ZDHHC3: variants seen among roughly 807,000 people sequenced by gnomAD.
ZDHHC3 encodes palmitoyltransferase ZDHHC3.
Under a neutral mutation model 30.6 loss-of-function variants are expected in ZDHHC3, and 9 were observed. The observed-to-expected ratio is 0.29, with a 90% CI of 0.18 to 0.51. ZDHHC3 has a LOEUF of 0.51. Among genes scored for constraint, ZDHHC3 ranks in the 20% least tolerant of loss-of-function variants. The pLI is 0.97. For missense variants in ZDHHC3, 246 were observed against 384.2 expected (o/e 0.64, Z 3.01); for synonymous variants, 136 against 140.2 (o/e 0.97, Z 0.21).
At chr3:44,943,978 T>G (rs1264251311) in intron 3 of ZDHHC3, among the ~76,000 whole-genome samples, 1 of 152,024 alleles carries the variant, frequency 6.6e-6, no homozygotes, top group Non-Finnish European at 1.5e-5. Flanking sequence ...TCAAAATAAA[T>G]AAATAAAATT....
chr3:44,946,060 AAC>A (rs1168612075), intron 2 of ZDHHC3, among the ~76,000 whole-genome samples: 2 of 152,226 alleles, frequency 1.3e-5, no homozygotes, highest in Non-Finnish European at 2.9e-5. Context: ...CAACATGTCT[AAC>A]AGTTTCCCCA....
intron 1 of ZDHHC3, among the ~76,000 whole-genome samples, chr3:44,962,930 C>A (rs1170340588): frequency 6.6e-6 from 1 of 152,172 alleles, no homozygotes; most frequent in Non-Finnish European, 1.5e-5. Context: ...GGGTAATAGG[C>A]CTTCAGGGAA....
chr3:44,922,985 T>G lies in ZDHHC3; in HGVS notation c.*3704A>C. 1 of 985,368 alleles carries G rather than the reference T, an allele frequency of 1.0e-6. No homozygotes were observed. Among genetic ancestry groups the G allele is most frequent in the Non-Finnish European group, 1.2e-6 (1 of 829,912 alleles). 61.0% of individuals were successfully genotyped at this position (985,368 alleles called of 1,614,324 possible). A position where few individuals can be genotyped will look rare whatever the true frequency, so the allele number is the denominator to read the frequency against. On this transcript the variant is annotated 3_prime_UTR_variant, in exon 7 of 7. Transcript: ENST00000424952. ...CTGCAAGTCTTGAAAAGAGAGAAATTTAAAACCCATTAGCCTGGCTGAGAA... is the reference window on the plus strand; with the variant it reads ...CTGCAAGTCTTGAAAAGAGAGAAATGTAAAACCCATTAGCCTGGCTGAGAA...
intron 5 of ZDHHC3, 187 bp downstream of exon 5, chr3:44,932,931 G>T: frequency 6.2e-7 from 1 of 1,614,162 alleles, no homozygotes; most frequent in South Asian, 1.1e-5. Context: ...TTAAGGGGCT[G>T]CATTTTTTCA....
chr3:44,929,559 T>C (rs1701309350), intron 5 of ZDHHC3, 123 bp from the exon 6 acceptor site: 2 of 1,330,932 alleles, frequency 1.5e-6, no homozygotes, highest in Non-Finnish European at 2.1e-6. Flanking sequence ...CTGGGTGCCA[T>C]AGGTCTCTGG....
At chr3:44,934,696 A>G (rs1351612033) in intron 3 of ZDHHC3, among the ~76,000 whole-genome samples, 1 of 151,930 alleles carries the variant, frequency 6.6e-6, no homozygotes, top group Non-Finnish European at 1.5e-5. Flanking sequence ...GTTTAAGACC[A>G]GCCTGACGAA....
At chr3:44,938,776 G>A (rs1474971960) in intron 3 of ZDHHC3, among the ~76,000 whole-genome samples, 1 of 152,174 alleles carries the variant, frequency 6.6e-6, no homozygotes. Context: ...TGGGCTGGAG[G>A]TGTGCTGTCC....
At position 44,922,293 on chromosome 3, in the gene ZDHHC3, C is replaced by A; in HGVS notation, c.*4396G>T. The A allele has an allele frequency of 1.0e-6, 1 of 985,470 alleles. No individual in the cohort carries two copies. The highest frequency in any genetic ancestry group is 4.7e-5 in the South Asian group (1 of 21,286). 61.0% of individuals were successfully genotyped at this position (985,470 alleles called of 1,614,324 possible). A position where few individuals can be genotyped will look rare whatever the true frequency, so the allele number is the denominator to read the frequency against. On this transcript the variant is annotated 3_prime_UTR_variant, in exon 7 of 7. Coordinates refer to ENST00000424952, the MANE Select transcript of ZDHHC3 (RefSeq NM_001135179.2). ...CTACAATGCCCCTGGCTCTAGACTA[C>A]TCACCGGCCGCCGCTCCCATCTGGA...
chr3:44,962,764 T>C (rs573866754), intron 1 of ZDHHC3, among the ~76,000 whole-genome samples: 1 of 152,342 alleles, frequency 6.6e-6, no homozygotes, highest in Admixed American at 6.5e-5. Flanking sequence ...TATATGATCC[T>C]TTGTCTTCCT....
chr3:44,956,543 C>T (rs941632020), intron 2 of ZDHHC3, among the ~76,000 whole-genome samples: 9 of 152,158 alleles, frequency 5.9e-5, no homozygotes, highest in African/African-American at 1.9e-4. Flanking sequence ...CTAAAGCATT[C>T]GAATACCCAG....
At chr3:44,934,106 G>A (rs531583895) in intron 3 of ZDHHC3, 122 bp from the exon 4 acceptor site, 2 of 960,444 alleles carry the variant, frequency 2.1e-6, no homozygotes, top group Admixed American at 1.8e-5. Flanking sequence ...GGCACTGCCA[G>A]GGGTTTTGCT....
Position 44,917,807 on chromosome 3 carries a change from C to T in ZDHHC3, c.*8882G>A, listed in dbSNP as rs1286073630. On this transcript the variant is annotated 3_prime_UTR_variant, in exon 7 of 7. Coordinates refer to ENST00000424952, the MANE Select transcript of ZDHHC3 (RefSeq NM_001135179.2). The stretch of plus-strand genomic sequence containing the variant: ...GGAAGCACTGGGGGTGCTGGGAGCG[C>T]ACCATGCCCATAAGCCCCTTTAGCC... The T allele has an allele frequency of 4.8e-6, 6 of 1,246,562 alleles. No individual in the cohort carries two copies. Among genetic ancestry groups the T allele is most frequent in the African/African-American group, 1.5e-5 (1 of 65,060 alleles). The allele number at this position is 1,246,562 out of a possible 1,614,324, so 77.2% of individuals were successfully genotyped here.
chr3:44,927,829 G>A (rs1575779709), intron 6 of ZDHHC3, among the ~76,000 whole-genome samples: 1 of 152,370 alleles, frequency 6.6e-6, no homozygotes, highest in Middle Eastern at 3.4e-3. Context: ...GTGGTCTCTA[G>A]TAAAGGGGTG....
chr3:44,933,524 G>A, intron 4 of ZDHHC3: 1 of 537,646 alleles, frequency 1.9e-6, no homozygotes, highest in Non-Finnish European at 3.3e-6. Context: ...AAAAGCCAGG[G>A]TGCTGACTGC....
At chr3:44,950,649 C>A (rs773231609) in intron 2 of ZDHHC3, among the ~76,000 whole-genome samples, 5 of 152,230 alleles carry the variant, frequency 3.3e-5, no homozygotes, top group Non-Finnish European at 7.3e-5. Flanking sequence ...GGCCAGCCCC[C>A]AAGACTGAGG....
chr3:44,971,396 C>T (rs931540249), intron 1 of ZDHHC3, among the ~76,000 whole-genome samples: 1 of 152,208 alleles, frequency 6.6e-6, no homozygotes, highest in Non-Finnish European at 1.5e-5. Context: ...GCCTTCTCAC[C>T]TTCACAGTTG....
At chr3:44,938,338 C>A in intron 3 of ZDHHC3, 1 of 187,152 alleles carries the variant, frequency 5.3e-6, no homozygotes, top group Non-Finnish European at 1.1e-5. Context: ...AGATACAGCA[C>A]CGACCTTTAA....
chr3:44,920,403 C>A lies in ZDHHC3; in HGVS notation c.*6286G>T. 1 of 1,276,506 alleles carries A rather than the reference C, an allele frequency of 7.8e-7. No individual in the cohort carries two copies. The highest frequency in any genetic ancestry group is 1.5e-5 in the African/African-American group (1 of 65,772). 79.1% of individuals were successfully genotyped at this position (1,276,506 alleles called of 1,614,324 possible). ...GGACATCACCATATGGCAGACCCGGCTACAGAGGAAACACCCAAAAATGAC... is the reference window on the plus strand; with the variant it reads ...GGACATCACCATATGGCAGACCCGGATACAGAGGAAACACCCAAAAATGAC... On this transcript the variant is annotated 3_prime_UTR_variant, in exon 7 of 7. Transcript: ENST00000424952.
In ZDHHC3 at chr3:44,959,522, A is replaced by G. The variant is rs1363050336; in HGVS notation, c.-24-62T>C. The G allele has an allele frequency of 6.8e-7, 1 of 1,471,062 alleles. No individual in the cohort carries two copies. The highest frequency in any genetic ancestry group is 9.2e-7 in the Non-Finnish European group (1 of 1,081,958). The allele number at this position is 1,471,062 out of a possible 1,614,324, so 91.1% of individuals were successfully genotyped here. ...TGTCTTGTCATCAAGGAGGTTTGAC[A>G]AAATTGCTCCCATAGTGAGTTGTGA... On this transcript the variant is annotated intron_variant, in intron 1 of 6. Coordinates refer to ENST00000424952, the MANE Select transcript of ZDHHC3 (RefSeq NM_001135179.2). This position sits in a 1 kb window ranked among gnomAD's most constrained non-coding sequence, Gnocchi z 4.3.
Sources: allele counts gnomAD v4.1 joint callset (sites outside exome capture counted in the v4.1 genomes callset), GRCh38; gene constraint gnomAD v4.1.1; non-coding constraint Gnocchi (gnomAD v3.1); transcripts MANE v1.5; gene names NCBI Gene and HGNC (gene_info 2026-07-23, HGNC 2026-07-21).